Variants in RABGAP1L observed in about 807,000 individuals in gnomAD.
RABGAP1L encodes RAB GTPase activating protein 1 like.
In RABGAP1L, 63 loss-of-function variants were observed where a neutral mutation model predicts 137.7. The ratio of observed to expected loss-of-function variants is 0.46; its 90% confidence interval spans 0.37 to 0.56. The LOEUF (loss-of-function observed/expected upper bound fraction) is 0.56. RABGAP1L is among the 20% of genes least tolerant of loss of function. RABGAP1L has a pLI of 0.00. For synonymous variants in RABGAP1L, 431 were observed against 433.7 expected (o/e 0.99, Z 0.08); for missense variants, 1,095 against 1,244.0 (o/e 0.88, Z 1.80).
intron 18 of RABGAP1L, among the ~76,000 whole-genome samples, chr1:174,801,169 A>G (rs1337073591): frequency 1.3e-5 from 2 of 152,188 alleles, no homozygotes; most frequent in African/African-American, 2.4e-5. Context: ...AATACCCACA[A>G]TCGCTGTTGC....
chr1:174,233,000 G>A (rs879832769), intron 4 of RABGAP1L, among the ~76,000 whole-genome samples: 16 of 152,046 alleles, frequency 1.1e-4, no homozygotes, highest in Admixed American at 3.3e-4. Context: ...CACAGTTCTC[G>A]TGGTTGGGAG....
chr1:174,692,652 A>G (rs919551013), intron 15 of RABGAP1L, among the ~76,000 whole-genome samples: 1 of 152,176 alleles, frequency 6.6e-6, no homozygotes, highest in African/African-American at 2.4e-5. Context: ...TTTAACAGAA[A>G]GATCTTAGAG....
chr1:174,516,376 T>C (rs1662851085), intron 13 of RABGAP1L, among the ~76,000 whole-genome samples: 1 of 152,106 alleles, frequency 6.6e-6, no homozygotes, highest in Admixed American at 6.6e-5. Context: ...AATACAAAAA[T>C]GCGACTAATT....
At chr1:174,536,877 A>G (rs1340542357) in intron 13 of RABGAP1L, among the ~76,000 whole-genome samples, 1 of 152,174 alleles carries the variant, frequency 6.6e-6, no homozygotes, top group Non-Finnish European at 1.5e-5. Flanking sequence ...AAAAGGACAC[A>G]TTTAGATATT....
chr1:174,222,906 C>CG (rs1336825354), intron 3 of RABGAP1L, among the ~76,000 whole-genome samples: 1 of 151,908 alleles, frequency 6.6e-6, no homozygotes, highest in Non-Finnish European at 1.5e-5. Context: ...GAGGGTGAGG[C>CG]GGGCAGATCA....
chr1:174,789,632 G>C (rs1687707453), intron 18 of RABGAP1L, among the ~76,000 whole-genome samples: 1 of 152,044 alleles, frequency 6.6e-6, no homozygotes, highest in Non-Finnish European at 1.5e-5. Context: ...GTGTCTCTGT[G>C]GGGTCTCCTG....
At chr1:174,686,648 CTTT>C (rs533716511) in intron 15 of RABGAP1L, among the ~76,000 whole-genome samples, 25 of 105,838 alleles carry the variant, frequency 2.4e-4, no homozygotes, top group African/African-American at 4.8e-4. Context: ...ACAAAGCAAT[CTTT>C]TTTTTTTTTT....
chr1:174,965,089 T>C (rs1669500111), intron 20 of RABGAP1L: 1 of 778,834 alleles, frequency 1.3e-6, no homozygotes, highest in Non-Finnish European at 2.0e-6. Context: ...CTTTCCCAGC[T>C]GTACATCTCC....
intron 19 of RABGAP1L, among the ~76,000 whole-genome samples, chr1:174,950,871 A>C (rs1215604426): frequency 1.3e-5 from 2 of 152,210 alleles, no homozygotes; most frequent in Non-Finnish European, 2.9e-5. Context: ...AGCCTTTAAA[A>C]AAGAAAAACA....
At chr1:174,281,505 T>A (rs1337111432) in intron 10 of RABGAP1L, among the ~76,000 whole-genome samples, 1 of 152,228 alleles carries the variant, frequency 6.6e-6, no homozygotes, top group African/African-American at 2.4e-5. Context: ...AGAAAAGTTC[T>A]CCAAGTCCCA....
intron 17 of RABGAP1L, among the ~76,000 whole-genome samples, chr1:174,703,773 A>T (rs1679844620): frequency 6.6e-6 from 1 of 152,206 alleles, no homozygotes; most frequent in Non-Finnish European, 1.5e-5. Context: ...AATAATAGCC[A>T]TTCTGACTGT....
At chr1:174,918,853 T>G (rs964238785) in intron 19 of RABGAP1L, among the ~76,000 whole-genome samples, 1 of 148,230 alleles carries the variant, frequency 6.7e-6, no homozygotes, top group Non-Finnish European at 1.5e-5. Flanking sequence ...AAATTCAAAA[T>G]TAAAATTTAA....
intron 13 of RABGAP1L, among the ~76,000 whole-genome samples, chr1:174,618,376 A>T (rs1672109011): frequency 1.3e-5 from 2 of 152,302 alleles, no homozygotes; most frequent in South Asian, 4.2e-4. Flanking sequence ...GCGTAGCCTA[A>T]CTGGGAGGCA....
At chr1:174,220,227 C>G (rs1487508382) in intron 2 of RABGAP1L, among the ~76,000 whole-genome samples, 2 of 152,120 alleles carry the variant, frequency 1.3e-5, no homozygotes, top group Non-Finnish European at 2.9e-5. Context: ...GTAAAGAAAT[C>G]AGAAATATGG....
intron 17 of RABGAP1L, among the ~76,000 whole-genome samples, chr1:174,712,319 C>G (rs1426042405): frequency 6.6e-6 from 1 of 152,208 alleles, no homozygotes; most frequent in Non-Finnish European, 1.5e-5. Context: ...TCCGCACTGC[C>G]TTTATGAGCT....
chr1:174,949,674 A>G (rs1667429243), intron 19 of RABGAP1L, among the ~76,000 whole-genome samples: 1 of 152,232 alleles, frequency 6.6e-6, no homozygotes, highest in Non-Finnish European at 1.5e-5. Context: ...TCTGGGCAGA[A>G]AACTATAAAT....
chr1:174,973,410 A>G (rs1670335429), intron 21 of RABGAP1L, among the ~76,000 whole-genome samples: 1 of 135,504 alleles, frequency 7.4e-6, no homozygotes, highest in Admixed American at 8.2e-5. Flanking sequence ...TCTTTGAGAC[A>G]GTCTAGCCCT....
intron 13 of RABGAP1L, among the ~76,000 whole-genome samples, chr1:174,488,216 C>A (rs1659862163): frequency 6.6e-6 from 1 of 151,826 alleles, no homozygotes; most frequent in Non-Finnish European, 1.5e-5. Context: ...TAGAACAGAT[C>A]TAGTGTTTAA....
rs1171919920 is a variant in RABGAP1L, at chr1:174,781,666, G to C, written c.2211+29312G>C. 5.3e-5 allele frequency among the ~76,000 whole-genome samples: 8 copies of C among 152,062 alleles called. 1 individual carries two copies. The highest frequency in any genetic ancestry group is 1.0e-4 in the Non-Finnish European group (7 of 68,012). ...CATGCTTATGTCCTGAATGGTATTG[G>C]CTAGGTTTTCTTCTATGGTTTTTAT... is the stretch of plus-strand genomic sequence containing the variant. On this transcript the variant is annotated intron_variant, in intron 18 of 25. Transcript: ENST00000681986.
Sources: allele counts gnomAD v4.1 joint callset (sites outside exome capture counted in the v4.1 genomes callset), GRCh38; gene constraint gnomAD v4.1.1; transcripts MANE v1.5; gene names NCBI Gene and HGNC (gene_info 2026-07-23, HGNC 2026-07-21).